The following RSF1 variants were observed in gnomAD, a reference collection of about 807,000 sequenced individuals.
RSF1 encodes the protein HBV pX-associated protein 8.
In RSF1, 13 loss-of-function variants were observed where a neutral mutation model predicts 145.2. The ratio of observed to expected loss-of-function variants is 0.09; its 90% CI spans 0.06 to 0.14. The LOEUF is 0.14. Among genes scored for constraint, RSF1 ranks in the 10% least tolerant of loss-of-function variants. The pLI, the probability that RSF1 is intolerant of heterozygous loss-of-function variation, is 1.00. For synonymous variants in RSF1, 577 were observed against 592.6 expected (o/e 0.97, Z 0.38); for missense variants, 1,517 against 1,718.2 (o/e 0.88, Z 2.07).
chr11:77,807,572 G>A lies in RSF1; in HGVS notation c.187+12956C>T, dbSNP rs111467048. ...CATGCAAAGTAAACGAAAGACAGATGAAGTGGCTATGCTAATACCAGACAA... is the reference window on the plus strand; with the variant it reads ...CATGCAAAGTAAACGAAAGACAGATAAAGTGGCTATGCTAATACCAGACAA... On this transcript the variant is annotated intron_variant, in intron 1 of 15. Transcript: ENST00000308488. Among the ~76,000 whole-genome samples, 197 of 152,332 alleles carry A rather than the reference G, an allele frequency of 1.3e-3. 2 individuals carry two copies. The highest frequency in any genetic ancestry group is 4.6e-3 in the African/African-American group (191 of 41,572).
chr11:77,800,470 C>T (rs995758587), intron 1 of RSF1, among the ~76,000 whole-genome samples: 8 of 151,884 alleles, frequency 5.3e-5, no homozygotes, highest in African/African-American at 1.9e-4. Flanking sequence ...GCAGCCTGGG[C>T]AACAAAACAA....
chr11:77,716,359 T>C (rs1174001558), intron 5 of RSF1, among the ~76,000 whole-genome samples: 3 of 152,188 alleles, frequency 2.0e-5, no homozygotes, highest in Non-Finnish European at 2.9e-5. Flanking sequence ...AGGCAAGATA[T>C]GGAATCAACC....
intron 1 of RSF1, among the ~76,000 whole-genome samples, chr11:77,805,370 G>A (rs1266843663): frequency 6.6e-6 from 1 of 151,858 alleles, no homozygotes; most frequent in Non-Finnish European, 1.5e-5. Flanking sequence ...GAACCCAGGA[G>A]GCAGAGGTTG....
chr11:77,752,429 C>G (rs910501982), intron 2 of RSF1, among the ~76,000 whole-genome samples: 1 of 152,206 alleles, frequency 6.6e-6, no homozygotes, highest in African/African-American at 2.4e-5. Context: ...CGCTCCTATG[C>G]GAACGGCACA....
chr11:77,855,323 T>C, the RSF1 span: 1 of 152,250 alleles, frequency 6.6e-6, no homozygotes, highest in Non-Finnish European at 1.5e-5. Flanking sequence ...TTTTGTTTTT[T>C]TCTTTTTTTG....
intron 1 of RSF1, chr11:77,813,215 A>T (rs1948747334): frequency 4.1e-6 from 2 of 484,992 alleles, no homozygotes; most frequent in Non-Finnish European, 7.4e-6. Flanking sequence ...AAACTTACTT[A>T]ATTCTGAGCA....
intron 14 of RSF1, among the ~76,000 whole-genome samples, chr11:77,672,693 T>C (rs1302903774): frequency 6.6e-6 from 1 of 151,260 alleles, no homozygotes; most frequent in Non-Finnish European, 1.5e-5. Flanking sequence ...TTTAGTTTGT[T>C]TGTTTTTGAG....
chr11:77,710,680 C>T (rs1960657938), intron 5 of RSF1, among the ~76,000 whole-genome samples: 1 of 152,120 alleles, frequency 6.6e-6, no homozygotes, highest in Admixed American at 6.5e-5. Context: ...TTTTTATTAG[C>T]AGATGTTGAT....
chr11:77,678,026 G>T, intron 12 of RSF1, 60 bp downstream of exon 12: 1 of 1,196,258 alleles, frequency 8.4e-7, no homozygotes, highest in Non-Finnish European at 1.2e-6. Context: ...CCCTAATTTG[G>T]GCACCTGAAT....
chr11:77,686,891 C>G (rs1590829492), intron 9 of RSF1, among the ~76,000 whole-genome samples: 1 of 151,990 alleles, frequency 6.6e-6, no homozygotes, highest in Non-Finnish European at 1.5e-5. Context: ...AAGTAGGTAC[C>G]CAATACATGT....
At chr11:77,872,103 T>C in the RSF1 span, 2 of 1,498,130 alleles carry the variant, frequency 1.3e-6, no homozygotes, top group African/African-American at 1.4e-5. Flanking sequence ...AGAGTACACC[T>C]GCCTCATGGC....
At chr11:77,830,988 A>C in the RSF1 span, among the ~76,000 whole-genome samples, 1 of 23,950 alleles carries the variant, frequency 4.2e-5, no homozygotes, top group Non-Finnish European at 6.7e-5. Context: ...AAAATATACC[A>C]AAAAAAAAAA....
At chr11:77,796,265 A>G (rs1948571437) in intron 1 of RSF1, among the ~76,000 whole-genome samples, 1 of 152,192 alleles carries the variant, frequency 6.6e-6, no homozygotes, top group Non-Finnish European at 1.5e-5. Flanking sequence ...TCCTCAATAC[A>G]ATATTGGCAA....
In RSF1 at chr11:77,661,254, A is replaced by G. The variant is rs1040344236; in HGVS notation, c.*5663T>C. The G allele has an allele frequency of 1.3e-5, 2 of 152,144 alleles. No individual in the cohort carries two copies. Among genetic ancestry groups the G allele is most frequent in the African/African-American group, 4.8e-5 (2 of 41,440 alleles). 9.4% of individuals were successfully genotyped at this position (152,144 alleles called of 1,614,324 possible). A position where few individuals can be genotyped will look rare whatever the true frequency, so the allele number is the denominator to read the frequency against. On this transcript the variant is annotated 3_prime_UTR_variant, in exon 16 of 16. Coordinates refer to ENST00000308488, the MANE Select transcript of RSF1 (RefSeq NM_016578.4). ...ACACAACCTCATGGCAGGTTTGGGC[A>G]AGCTACAACAGATACCATCTCAAGA...
chr11:77,691,502 C>CA (rs1960148288), intron 8 of RSF1: 1 of 418,504 alleles, frequency 2.4e-6, no homozygotes, highest in Non-Finnish European at 4.3e-6. Flanking sequence ...TGGCAATAGT[C>CA]AATGTTTAAA....
At chr11:77,786,574 G>A (rs1319114343) in intron 1 of RSF1, among the ~76,000 whole-genome samples, 2 of 152,072 alleles carry the variant, frequency 1.3e-5, no homozygotes, top group Admixed American at 6.6e-5. Context: ...TTAGTCACAA[G>A]GTTTAGAGAA....
intron 1 of RSF1, among the ~76,000 whole-genome samples, chr11:77,782,674 C>T (rs1948416144): frequency 6.6e-6 from 1 of 151,864 alleles, no homozygotes; most frequent in Admixed American, 6.6e-5. Context: ...AAAAAAAAAT[C>T]AAAGAAAACA....
chr11:77,775,727 A>G (rs1233653223), intron 1 of RSF1, among the ~76,000 whole-genome samples: 2 of 152,198 alleles, frequency 1.3e-5, no homozygotes, highest in East Asian at 3.8e-4. Context: ...TGGAAGCCAG[A>G]AGTTTAACAT....
At position 77,722,144 on chromosome 11, in the gene RSF1, C is replaced by T. The variant is rs1011745683; in HGVS notation, c.733+3401G>A. ...GCAGCATACTATGATTGCACTACTG[C>T]ACTCCAGCCCGGGTGACAGAGTGAG... On this transcript the variant is annotated intron_variant, in intron 5 of 15. Transcript: ENST00000308488. Among the ~76,000 whole-genome samples, 3 of 152,158 alleles carry T rather than the reference C, an allele frequency of 2.0e-5. No homozygotes were observed. The East Asian group carries it at 5.8e-4, about 29-fold the overall frequency.
Sources: gnomAD v4.1 joint callset for allele counts (sites outside exome capture counted in the v4.1 genomes callset) on GRCh38, gnomAD v4.1.1 for gene constraint, MANE v1.5 for transcripts, NCBI Gene and HGNC (gene_info 2026-07-23, HGNC 2026-07-21) for gene names.